Variants in PLD5 observed in about 807,000 individuals in gnomAD.
The protein encoded by PLD5 is phospholipase D family member 5, also known as inactive phospholipase D5.
In PLD5, 36 loss-of-function variants were observed where a neutral mutation model predicts 61.1. The ratio of observed to expected loss-of-function variants is 0.59; its 90% CI spans 0.45 to 0.78. The LOEUF (loss-of-function observed/expected upper bound fraction) is 0.78, where lower values mean the gene tolerates loss of function less well. PLD5 is among the 30% of genes least tolerant of loss of function. The pLI is 0.00. For synonymous variants in PLD5, 243 were observed against 242.8 expected (o/e 1.00, Z -0.01); for missense variants, 515 against 644.4 (o/e 0.80, Z 2.17).
In PLD5 at chr1:242,374,683, C is replaced by T. The variant is rs542118441; in HGVS notation, c.190-26441G>A. 2.1e-4 allele frequency among the ~76,000 whole-genome samples: 32 copies of T among 152,272 alleles called. 1 individual carries two copies. Among genetic ancestry groups the T allele is most frequent in the East Asian group, 1.9e-3 (10 of 5,178 alleles). On this transcript the variant is annotated intron_variant, in intron 1 of 9. Coordinates refer to ENST00000536534, the MANE Select transcript of PLD5 (RefSeq NM_001372062.1). ...CTGCCCCACACCCAGAAGGAAGAAA[C>T]GTTACACAGAGAGGCCAAGAAGAAT...
At chr1:242,307,691 G>C (rs1676461104) in intron 2 of PLD5, among the ~76,000 whole-genome samples, 1 of 152,142 alleles carries the variant, frequency 6.6e-6, no homozygotes, top group Non-Finnish European at 1.5e-5. Context: ...TATGGACTAG[G>C]AGGTAAGGAT....
intron 1 of PLD5, among the ~76,000 whole-genome samples, chr1:242,454,087 T>A (rs1666869248): frequency 6.6e-6 from 1 of 152,124 alleles, no homozygotes; most frequent in Non-Finnish European, 1.5e-5. Context: ...CTCAGCACTT[T>A]GGGAGGCCAA....
At chr1:242,377,047 C>G in intron 1 of PLD5, 1 of 1,611,720 alleles carries the variant, frequency 6.2e-7, no homozygotes, top group Non-Finnish European at 8.5e-7. Context: ...CTGTCTGACA[C>G]GGTGCCATCA....
chr1:242,247,403 A>C (rs1205798121), intron 4 of PLD5, among the ~76,000 whole-genome samples: 1 of 152,236 alleles, frequency 6.6e-6, no homozygotes, highest in African/African-American at 2.4e-5. Context: ...TACCAGAGTC[A>C]GGTTGGACAG....
intron 1 of PLD5, among the ~76,000 whole-genome samples, chr1:242,485,317 A>G (rs1338727299): frequency 3.3e-5 from 5 of 152,218 alleles, no homozygotes; most frequent in Non-Finnish European, 5.9e-5. Context: ...AGAAAACCCC[A>G]TCGTCTCAGC....
At chr1:242,266,839 G>A (rs1281763260) in intron 3 of PLD5, among the ~76,000 whole-genome samples, 2 of 152,154 alleles carry the variant, frequency 1.3e-5, no homozygotes, top group African/African-American at 2.4e-5. Context: ...GAAGCTGGCC[G>A]GGTGCGTAGC....
intron 1 of PLD5, among the ~76,000 whole-genome samples, chr1:242,489,147 A>G (rs756270137): frequency 6.6e-6 from 1 of 152,156 alleles, no homozygotes; most frequent in Non-Finnish European, 1.5e-5. Flanking sequence ...TCAAAGCCCT[A>G]GTATAGGCAA....
At chr1:242,416,466 A>G (rs73133706) in intron 1 of PLD5, among the ~76,000 whole-genome samples, 5,700 of 152,290 alleles carry the variant, frequency 0.037, 384 homozygotes, top group African/African-American at 0.13. Flanking sequence ...ATGCAAATAT[A>G]ACCCTTCCAG....
At chr1:242,300,881 C>T (rs535709455) in intron 2 of PLD5, among the ~76,000 whole-genome samples, 14 of 152,260 alleles carry the variant, frequency 9.2e-5, no homozygotes, top group Admixed American at 4.6e-4. Flanking sequence ...ATATGGAATA[C>T]ATTTTTAAGG....
chr1:242,381,262 G>A (rs1482152516), intron 1 of PLD5, among the ~76,000 whole-genome samples: 1 of 152,178 alleles, frequency 6.6e-6, no homozygotes, highest in African/African-American at 2.4e-5. Context: ...TATGAATGGA[G>A]CTGGAGGCCA....
intron 5 of PLD5, among the ~76,000 whole-genome samples, chr1:242,128,143 A>G (rs1662942270): frequency 6.6e-6 from 1 of 152,100 alleles, no homozygotes; most frequent in Non-Finnish European, 1.5e-5. Flanking sequence ...TGTCTTTACA[A>G]AAAAATAAAA....
chr1:242,153,457 T>G (rs374113931), intron 5 of PLD5, among the ~76,000 whole-genome samples: 1 of 151,928 alleles, frequency 6.6e-6, no homozygotes, highest in East Asian at 1.9e-4. Flanking sequence ...TCGCCTAGGT[T>G]TTCTTCTAGG....
At chr1:242,214,136 G>A (rs536174916) in intron 5 of PLD5, among the ~76,000 whole-genome samples, 1 of 152,162 alleles carries the variant, frequency 6.6e-6, no homozygotes, top group African/African-American at 2.4e-5. Context: ...CTGGGATCTT[G>A]CCTACAAAAA....
At chr1:242,484,036 A>G (rs1030391206) in intron 1 of PLD5, among the ~76,000 whole-genome samples, 29 of 152,218 alleles carry the variant, frequency 1.9e-4, no homozygotes, top group African/African-American at 6.8e-4. Flanking sequence ...AACATACCAG[A>G]ATCTCTGGGA....
chr1:242,394,291 AGTATATATATGAGTATATATGTGT>A (rs1663226420), intron 1 of PLD5, among the ~76,000 whole-genome samples: 3 of 75,390 alleles, frequency 4.0e-5, no homozygotes, highest in East Asian at 3.9e-4. Context: ...TATATATATG[AGTATATATATGAGTATATATGTGT>A]GTATATATGA....
intron 1 of PLD5, among the ~76,000 whole-genome samples, chr1:242,400,178 CAAAAG>C (rs1490357547): frequency 8.0e-6 from 1 of 125,204 alleles, no homozygotes; most frequent in Non-Finnish European, 1.7e-5. Context: ...CTCTCTCTCT[CAAAAG>C]AAAAGAAAAA....
chr1:242,468,740 T>A (rs1667352423), intron 1 of PLD5, among the ~76,000 whole-genome samples: 1 of 151,948 alleles, frequency 6.6e-6, no homozygotes, highest in Non-Finnish European at 1.5e-5. Context: ...TATATACTTT[T>A]TCCCATCAAT....
chr1:242,251,724 T>C (rs1183323755), intron 4 of PLD5, among the ~76,000 whole-genome samples: 2 of 152,048 alleles, frequency 1.3e-5, no homozygotes, highest in Non-Finnish European at 2.9e-5. Flanking sequence ...AGTGTGTTTA[T>C]ACATTAAGGG....
chr1:242,278,075 C>A (rs1674510789), intron 3 of PLD5, among the ~76,000 whole-genome samples: 1 of 152,102 alleles, frequency 6.6e-6, no homozygotes, highest in Non-Finnish European at 1.5e-5. Context: ...CTGTCAAAAA[C>A]TTTTTTTGTT....
Sources: allele counts gnomAD v4.1 joint callset (sites outside exome capture counted in the v4.1 genomes callset), GRCh38; gene constraint gnomAD v4.1.1; transcripts MANE v1.5; gene names NCBI Gene and HGNC (gene_info 2026-07-23, HGNC 2026-07-21).